Variants in CASK observed in about 807,000 individuals in gnomAD.
The protein encoded by CASK is peripheral plasma membrane protein CASK.
A neutral mutation model predicts 82.9 loss-of-function variants in CASK; 4 were observed. The ratio of observed to expected loss-of-function variants is 0.05; its 90% CI spans 0.02 to 0.11. The LOEUF (loss-of-function observed/expected upper bound fraction) is 0.11, where lower values mean the gene tolerates loss of function less well. Among genes scored for constraint, CASK ranks in the 10% least tolerant of loss-of-function variants. The pLI is 1.00. For synonymous variants in CASK, 259 were observed against 253.5 expected (o/e 1.02, Z -0.20); for missense variants, 358 against 720.9 (o/e 0.50, Z 5.76).
chrX:41,899,800 C>A (rs2072335519), intron 1 of CASK, among the ~76,000 whole-genome samples: 1 of 111,520 alleles, frequency 9.0e-6, no homozygotes, highest in African/African-American at 3.3e-5. Context: ...GATTTATGCA[C>A]CATCATTACA....
rs749373959 is a variant in CASK, at chrX:41,799,536, C to T, written c.173-12253G>A. On this transcript the variant is annotated intron_variant, in intron 2 of 26. Transcript: ENST00000378163. Reference sequence around the variant, plus strand: ...CTCCAGCCTGGGAGACAGAGCAAGACTCTGTCTCAGAAAAAACCCAGAAAA... The same window carrying T: ...CTCCAGCCTGGGAGACAGAGCAAGATTCTGTCTCAGAAAAAACCCAGAAAA... Among the ~76,000 whole-genome samples the T allele has an allele frequency of 2.7e-5, 3 of 109,234 alleles. No individual in the cohort carries two copies. The South Asian group carries it at 1.2e-3, about 44-fold the overall frequency. The allele number at this position is 109,234 out of a possible 115,157, so 94.9% of individuals were successfully genotyped here. A position where few individuals can be genotyped will look rare whatever the true frequency, so the allele number is the denominator to read the frequency against.
intron 9 of CASK, 55 bp from the exon 10 acceptor site, chrX:41,626,758 A>G (rs2066385431): frequency 1.9e-5 from 14 of 754,053 alleles, no homozygotes; most frequent in Non-Finnish European, 2.8e-5. Flanking sequence ...AAATATAAAT[A>G]AGTTATTTAA....
In CASK at chrX:41,518,010, A is replaced by G; in HGVS notation, c.*2410T>C. Reference sequence around the variant, plus strand: ...AATGATGCCTGCCTGTGTGCTTCTCAGAGGACGTATAAAGCCACTGAGGAT... The same window carrying G: ...AATGATGCCTGCCTGTGTGCTTCTCGGAGGACGTATAAAGCCACTGAGGAT... On this transcript the variant is annotated 3_prime_UTR_variant, in exon 27 of 27. Coordinates refer to ENST00000378163, the MANE Select transcript of CASK (RefSeq NM_001367721.1). The G allele has an allele frequency of 2.6e-6, 1 of 383,242 alleles. No homozygotes were observed. 31.6% of individuals were successfully genotyped at this position (383,242 alleles called of 1,213,427 possible). A position where few individuals can be genotyped will look rare whatever the true frequency, so the allele number is the denominator to read the frequency against.
intron 25 of CASK, 75 bp downstream of exon 25, chrX:41,530,932 G>A: frequency 2.1e-6 from 2 of 930,738 alleles, no homozygotes; most frequent in African/African-American, 1.9e-5. Flanking sequence ...CTTTCTGATG[G>A]CATTTTTGAT....
chrX:41,531,923 G>A (rs1040534508), intron 24 of CASK, among the ~76,000 whole-genome samples: 2 of 112,085 alleles, frequency 1.8e-5, no homozygotes, highest in African/African-American at 6.5e-5. Context: ...ATGGTCTACT[G>A]TCTTTTTTTA....
At chrX:41,704,411 T>C (rs1190988809) in intron 5 of CASK, among the ~76,000 whole-genome samples, 1 of 112,137 alleles carries the variant, frequency 8.9e-6, no homozygotes, top group Non-Finnish European at 1.9e-5. Flanking sequence ...AAATGTTTTC[T>C]AAGAGTTCAA....
At chrX:41,718,411 C>T (rs755087610) in intron 5 of CASK, among the ~76,000 whole-genome samples, 1 of 112,794 alleles carries the variant, frequency 8.9e-6, no homozygotes, top group Non-Finnish European at 1.9e-5. Flanking sequence ...CAACCTGGGG[C>T]TTGCCACTGG....
intron 14 of CASK, among the ~76,000 whole-genome samples, chrX:41,581,797 C>G (rs2065584586): frequency 9.1e-6 from 1 of 109,561 alleles, no homozygotes; most frequent in African/African-American, 3.3e-5. Flanking sequence ...ATTATCTACA[C>G]AAAAGCTTAT....
intron 3 of CASK, among the ~76,000 whole-genome samples, chrX:41,764,024 T>C (rs980394937): frequency 8.9e-6 from 1 of 111,943 alleles, no homozygotes; most frequent in African/African-American, 3.2e-5. Context: ...CAGATAGGAA[T>C]ACCAAATGGC....
intron 2 of CASK, among the ~76,000 whole-genome samples, chrX:41,851,128 T>C (rs2071257817): frequency 8.9e-6 from 1 of 112,088 alleles, no homozygotes; most frequent in Non-Finnish European, 1.9e-5. Flanking sequence ...GATAAAGTCA[T>C]GAGTAATATC....
chrX:41,685,444 T>C (rs1009352750), intron 5 of CASK, among the ~76,000 whole-genome samples: 2 of 112,281 alleles, frequency 1.8e-5, no homozygotes, highest in Non-Finnish European at 3.8e-5. Flanking sequence ...GGTAATTCCA[T>C]AGTAGTACCT....
intron 1 of CASK, among the ~76,000 whole-genome samples, chrX:41,903,034 A>G (rs1424512556): frequency 8.9e-6 from 1 of 112,220 alleles, no homozygotes; most frequent in Non-Finnish European, 1.9e-5. Context: ...CTAGAAGACC[A>G]CTTCCCTGTT....
chrX:41,639,638 A>G (rs767267424), intron 8 of CASK, among the ~76,000 whole-genome samples: 1 of 111,219 alleles, frequency 9.0e-6, no homozygotes, highest in African/African-American at 3.3e-5. Flanking sequence ...TAAAATGTAC[A>G]ATTTGATAAG....
rs1021698051 is a variant in CASK, at chrX:41,578,190, G to C, written c.1503+150C>G. The stretch of plus-strand genomic sequence containing the variant: ...AGAACAATTCTAGAAAAGAAGGGCA[G>C]GGGGGAACTGAAGATCTGGAAACTG... On this transcript the variant is annotated intron_variant, in intron 15 of 26. Coordinates refer to ENST00000378163, the MANE Select transcript of CASK (RefSeq NM_001367721.1). The C allele has an allele frequency of 6.6e-5, 29 of 440,809 alleles. No individual in the cohort carries two copies. The African/African-American group carries it at 6.9e-4, about 11-fold the overall frequency. The allele number at this position is 440,809 out of a possible 1,213,427, so 36.3% of individuals were successfully genotyped here. A position where few individuals can be genotyped will look rare whatever the true frequency, so the allele number is the denominator to read the frequency against.
chrX:41,644,208 T>G (rs62587039), intron 8 of CASK, among the ~76,000 whole-genome samples: 2 of 111,586 alleles, frequency 1.8e-5, no homozygotes, highest in African/African-American at 6.5e-5. Flanking sequence ...GCATTGATGT[T>G]CATCAGGGAT....
At chrX:41,675,457 C>T (rs2067252617) in intron 5 of CASK, among the ~76,000 whole-genome samples, 1 of 111,852 alleles carries the variant, frequency 8.9e-6, no homozygotes, top group East Asian at 2.8e-4. Flanking sequence ...GCAGTTTTAC[C>T]CTGGCCCTTG....
intron 5 of CASK, among the ~76,000 whole-genome samples, chrX:41,706,628 C>A (rs2067889884): frequency 8.9e-6 from 1 of 111,935 alleles, no homozygotes; most frequent in Admixed American, 9.5e-5. Context: ...ATCATGGATT[C>A]ATGGCATATT....
chrX:41,735,566 A>AT (rs763684706), intron 5 of CASK, among the ~76,000 whole-genome samples: 1,384 of 101,576 alleles, frequency 0.014, 26 homozygotes, highest in African/African-American at 0.042. Flanking sequence ...AATCTAACTA[A>AT]TTTTTTTTTT....
At chrX:41,651,969 T>A (rs2066871805) in intron 8 of CASK, among the ~76,000 whole-genome samples, 1 of 110,735 alleles carries the variant, frequency 9.0e-6, no homozygotes, top group Middle Eastern at 4.6e-3. Context: ...TGGAGAAAGA[T>A]AAGGGAGGGG....
Sources: allele counts gnomAD v4.1 joint callset (sites outside exome capture counted in the v4.1 genomes callset), GRCh38; gene constraint gnomAD v4.1.1; transcripts MANE v1.5; gene names NCBI Gene and HGNC (gene_info 2026-07-23, HGNC 2026-07-21).